Variants in RIMS2 observed in about 807,000 individuals in gnomAD.
The protein encoded by RIMS2 is regulating synaptic membrane exocytosis protein 2.
Under a neutral mutation model 174.4 loss-of-function variants are expected in RIMS2, and 59 were observed. The observed-to-expected ratio is 0.34, with a 90% confidence interval of 0.27 to 0.42. RIMS2 has a LOEUF of 0.42. Ranked by LOEUF, RIMS2 falls within the 10% of genes least tolerant of loss-of-function variation. The probability of loss-of-function intolerance (pLI) is 1.00; values close to 1 mark genes in which losing one functional copy is unlikely to be tolerated. For missense variants in RIMS2, 1,620 were observed against 1,666.3 expected (o/e 0.97, Z 0.48); for synonymous variants, 606 against 572.5 (o/e 1.06, Z -0.84).
intron 4 of RIMS2, among the ~76,000 whole-genome samples, chr8:103,905,120 CT>C: frequency 6.6e-6 from 1 of 152,064 alleles, no homozygotes; most frequent in Non-Finnish European, 1.5e-5. Context: ...ATGTTCTGCA[CT>C]TTAAATATCA....
chr8:103,658,956 C>A (rs945216584), intron 1 of RIMS2, among the ~76,000 whole-genome samples: 3 of 152,126 alleles, frequency 2.0e-5, no homozygotes, highest in African/African-American at 7.2e-5. Flanking sequence ...TGGGGCAGTC[C>A]ATTATTCATT....
intron 10 of RIMS2, among the ~76,000 whole-genome samples, chr8:103,923,956 T>C (rs1227683666): frequency 1.3e-5 from 2 of 151,742 alleles, no homozygotes; most frequent in East Asian, 3.8e-4. Context: ...CTTTTTCCTG[T>C]CCTTAAAAAT....
chr8:104,180,184 A>G (rs1205252058), intron 19 of RIMS2, among the ~76,000 whole-genome samples: 1 of 151,808 alleles, frequency 6.6e-6, no homozygotes, highest in Non-Finnish European at 1.5e-5. Context: ...ATTTATCTGT[A>G]GGATAATTTC....
intron 19 of RIMS2, among the ~76,000 whole-genome samples, chr8:104,084,437 C>CAAAAAAAAA (rs34285862): frequency 1.3e-5 from 1 of 76,686 alleles, no homozygotes; most frequent in East Asian, 4.7e-4. Flanking sequence ...GACTCTGTCT[C>CAAAAAAAAA]AAAAAAAAAA....
intron 19 of RIMS2, among the ~76,000 whole-genome samples, chr8:104,179,423 C>T (rs1342595865): frequency 6.6e-6 from 1 of 151,868 alleles, no homozygotes; most frequent in Non-Finnish European, 1.5e-5. Context: ...TGGATTTGTA[C>T]AGAAAAATAT....
At chr8:103,702,666 C>T (rs180876287) in intron 2 of RIMS2, among the ~76,000 whole-genome samples, 2 of 152,222 alleles carry the variant, frequency 1.3e-5, no homozygotes, top group Non-Finnish European at 2.9e-5. Context: ...AAGAGACAGT[C>T]CTTTACCTGG....
intron 19 of RIMS2, among the ~76,000 whole-genome samples, chr8:104,213,647 C>CA (rs1439798648): frequency 1.3e-5 from 2 of 152,080 alleles, no homozygotes; most frequent in African/African-American, 4.8e-5. Flanking sequence ...GAGGCCAAGG[C>CA]AGGCAGATAA....
chr8:103,969,488 C>T (rs2092598728), intron 15 of RIMS2, among the ~76,000 whole-genome samples: 1 of 152,102 alleles, frequency 6.6e-6, no homozygotes, highest in Non-Finnish European at 1.5e-5. Flanking sequence ...CTAATAAGCC[C>T]ATCAAAGGCA....
chr8:103,880,606 T>G (rs1594444693), intron 3 of RIMS2: 2 of 468,652 alleles, frequency 4.3e-6, no homozygotes, highest in East Asian at 6.7e-5. Context: ...AAGGATTAAA[T>G]GAAAGCACTG....
At chr8:104,063,730 T>C (rs533982086) in intron 19 of RIMS2, among the ~76,000 whole-genome samples, 149 of 152,318 alleles carry the variant, frequency 9.8e-4, no homozygotes, top group African/African-American at 3.5e-3. Context: ...GACTACAAGA[T>C]GGATGACTGA....
At chr8:103,670,574 A>C (rs1366028034) in intron 1 of RIMS2, among the ~76,000 whole-genome samples, 4 of 152,190 alleles carry the variant, frequency 2.6e-5, no homozygotes, top group African/African-American at 9.7e-5. Context: ...GCTGCTTAGA[A>C]ATTTCTTCTG....
intron 2 of RIMS2, among the ~76,000 whole-genome samples, chr8:103,758,199 C>G (rs2098054084): frequency 6.6e-6 from 1 of 152,152 alleles, no homozygotes; most frequent in Non-Finnish European, 1.5e-5. Flanking sequence ...CCTCTTTCCT[C>G]TGAACTTACT....
At chr8:103,984,849 T>C (rs1202083761) in intron 16 of RIMS2, among the ~76,000 whole-genome samples, 1 of 152,206 alleles carries the variant, frequency 6.6e-6, no homozygotes, top group Non-Finnish European at 1.5e-5. Flanking sequence ...TGGAGTACTA[T>C]TCAGCCAGAA....
chr8:104,214,318 T>C (rs1347812803), intron 19 of RIMS2, among the ~76,000 whole-genome samples: 1 of 152,244 alleles, frequency 6.6e-6, no homozygotes, highest in African/African-American at 2.4e-5. Flanking sequence ...CACCTTATTG[T>C]GGATGTATAA....
intron 1 of RIMS2, among the ~76,000 whole-genome samples, chr8:103,509,248 A>G (rs1271046462): frequency 6.6e-6 from 1 of 151,906 alleles, no homozygotes; most frequent in Non-Finnish European, 1.5e-5. Context: ...AGCTTATAAA[A>G]TTTTTTCTAC....
chr8:103,584,748 A>G (rs2093813040), intron 1 of RIMS2, among the ~76,000 whole-genome samples: 1 of 152,182 alleles, frequency 6.6e-6, no homozygotes, highest in Non-Finnish European at 1.5e-5. Context: ...CAAAAAATAA[A>G]AAGCAAGAAA....
intron 2 of RIMS2, among the ~76,000 whole-genome samples, chr8:103,705,391 T>C (rs569483325): frequency 3.9e-5 from 6 of 152,260 alleles, no homozygotes; most frequent in Non-Finnish European, 7.4e-5. Context: ...GAATGTTATA[T>C]GTGCTAATGA....
At chr8:103,697,506 C>G (rs1426291) in intron 2 of RIMS2, among the ~76,000 whole-genome samples, 1 of 149,328 alleles carries the variant, frequency 6.7e-6, no homozygotes, top group Non-Finnish European at 1.5e-5. Flanking sequence ...CCCAGGAGTT[C>G]TAGACTATCT....
intron 19 of RIMS2, among the ~76,000 whole-genome samples, chr8:104,089,492 A>G (rs942113845): frequency 2.0e-5 from 3 of 151,856 alleles, no homozygotes; most frequent in Non-Finnish European, 4.4e-5. Context: ...TATATTCTAA[A>G]TATGTTCAAA....
Sources: gnomAD v4.1 joint callset for allele counts (sites outside exome capture counted in the v4.1 genomes callset) on GRCh38, gnomAD v4.1.1 for gene constraint, MANE v1.5 for transcripts, NCBI Gene and HGNC (gene_info 2026-07-23, HGNC 2026-07-21) for gene names.